Variants in PLAC1 observed in about 807,000 individuals in gnomAD.
PLAC1 encodes placenta associated 1.
For missense variants in PLAC1, 136 were observed against 163.2 expected (o/e 0.83, Z 0.91); for synonymous variants, 68 against 62.1 (o/e 1.09, Z -0.44).
At chrX:134,729,809 G>A (rs953861003) in intron 2 of PLAC1, among the ~76,000 whole-genome samples, 2 of 109,235 alleles carry the variant, frequency 1.8e-5, no homozygotes, top group African/African-American at 3.3e-5. Flanking sequence ...TTTGTTTTTC[G>A]AGACGGAGTT....
At chrX:134,745,969 C>T (rs867861084) in intron 1 of PLAC1, among the ~76,000 whole-genome samples, 4 of 111,705 alleles carry the variant, frequency 3.6e-5, no homozygotes, top group African/African-American at 1.3e-4. Context: ...AAAACACCAG[C>T]GTTAGTTTCA....
At chrX:134,694,561 G>A (rs1366196332) in intron 2 of PLAC1, among the ~76,000 whole-genome samples, 4 of 112,095 alleles carry the variant, frequency 3.6e-5, no homozygotes, top group Admixed American at 9.5e-5. Context: ...AGCTGTCAGC[G>A]TTTCAGGCAT....
intron 2 of PLAC1, among the ~76,000 whole-genome samples, chrX:134,703,577 AAGG>A (rs1251685474): frequency 2.7e-5 from 3 of 111,065 alleles, no homozygotes; most frequent in African/African-American, 6.5e-5. Flanking sequence ...ACCTACAATA[AAGG>A]ACTGGAGTTC....
At chrX:134,627,755 G>GGCC (rs2078243049) in intron 1 of PLAC1, among the ~76,000 whole-genome samples, 1 of 111,859 alleles carries the variant, frequency 8.9e-6, no homozygotes, top group Non-Finnish European at 1.9e-5. Flanking sequence ...TTGGTCCTGG[G>GGCC]GCCTATCTTT....
At chrX:134,661,949 C>T (rs2078418131), upstream of PLAC1, among the ~76,000 whole-genome samples, 1 of 112,223 alleles carries the variant, frequency 8.9e-6, no homozygotes, top group African/African-American at 3.2e-5. Flanking sequence ...ATATGAAAAA[C>T]AAAGCTTGGC....
At chrX:134,628,426 T>C (rs2078245986) in intron 1 of PLAC1, among the ~76,000 whole-genome samples, 1 of 112,304 alleles carries the variant, frequency 8.9e-6, no homozygotes, top group Non-Finnish European at 1.9e-5. Context: ...ATCCCTTCTA[T>C]GCCTTCATCT....
chrX:134,715,026 C>T (rs1423276030), intron 2 of PLAC1, among the ~76,000 whole-genome samples: 1 of 111,969 alleles, frequency 8.9e-6, no homozygotes, highest in Non-Finnish European at 1.9e-5. Flanking sequence ...CCACAATCCT[C>T]GTCTTTGATC....
In PLAC1 at chrX:134,701,747, G is replaced by A. The variant is rs779186452; in HGVS notation, n.174+31688C>T. On this transcript the variant is annotated intron_variant and non_coding_transcript_variant, in intron 2 of 2. Coordinates refer to the PLAC1 transcript ENST00000466797. ...CAAAACCACAATGAGACCAGGCGCA[G>A]TGGCTCACGCCTGTAATCCCAGAAC... Among the ~76,000 whole-genome samples, 3 of 112,515 alleles carry A rather than the reference G, an allele frequency of 2.7e-5. No individual in the cohort carries two copies. In the South Asian group the frequency reaches 1.1e-3, roughly 41 times the overall value.
chrX:134,711,581 G>T (rs1430055809), intron 2 of PLAC1, among the ~76,000 whole-genome samples: 1 of 111,844 alleles, frequency 8.9e-6, no homozygotes, highest in Non-Finnish European at 1.9e-5. Context: ...ATTGCTTTGG[G>T]CATGTTCCTT....
At chrX:134,734,796 A>G (rs1395032487) in intron 1 of PLAC1, among the ~76,000 whole-genome samples, 1 of 110,978 alleles carries the variant, frequency 9.0e-6, no homozygotes, top group Non-Finnish European at 1.9e-5. Flanking sequence ...AGCTTGATTC[A>G]TCTGGCATGT....
intron 1 of PLAC1, among the ~76,000 whole-genome samples, chrX:134,637,831 G>C (rs1432237110): frequency 3.6e-5 from 4 of 111,542 alleles, no homozygotes; most frequent in African/African-American, 1.3e-4. Flanking sequence ...CTGGGCAACA[G>C]AGTGACACTC....
At chrX:134,722,216 C>T (rs926803022) in intron 2 of PLAC1, among the ~76,000 whole-genome samples, 1 of 111,685 alleles carries the variant, frequency 9.0e-6, no homozygotes, top group Non-Finnish European at 1.9e-5. Flanking sequence ...TCATTGCACT[C>T]GGCATAAATG....
intron 2 of PLAC1, among the ~76,000 whole-genome samples, chrX:134,731,691 G>T (rs1381665374): frequency 9.0e-6 from 1 of 111,193 alleles, no homozygotes; most frequent in Non-Finnish European, 1.9e-5. Context: ...CTGGGGCATT[G>T]GGAAGCTCTG....
chrX:134,599,950 G>A (rs2078080757), intron 2 of PLAC1, among the ~76,000 whole-genome samples: 1 of 110,912 alleles, frequency 9.0e-6, no homozygotes, highest in African/African-American at 3.3e-5. Flanking sequence ...AAAGGGGTGG[G>A]GATGGAGAGA....
chrX:134,671,944 G>A (rs1169738777), intron 2 of PLAC1, among the ~76,000 whole-genome samples: 4 of 111,749 alleles, frequency 3.6e-5, no homozygotes, highest in Non-Finnish European at 7.5e-5. Context: ...AAGGCATACA[G>A]AGTGATAGAG....
chrX:134,707,233 CCTT>C (rs773457686), intron 2 of PLAC1, among the ~76,000 whole-genome samples: 2 of 112,300 alleles, frequency 1.8e-5, no homozygotes, highest in African/African-American at 6.5e-5. Flanking sequence ...ACAAAAATAT[CCTT>C]CTTAATGAAG....
intron 2 of PLAC1, among the ~76,000 whole-genome samples, chrX:134,712,403 C>T (rs773701120): frequency 1.4e-4 from 15 of 111,106 alleles, no homozygotes; most frequent in African/African-American, 4.3e-4. Flanking sequence ...AATCACCCCA[C>T]GAAACCTAAC....
intron 1 of PLAC1, among the ~76,000 whole-genome samples, chrX:134,747,471 C>T (rs1018893692): frequency 9.0e-6 from 1 of 111,714 alleles, no homozygotes; most frequent in East Asian, 2.8e-4. Context: ...TTATTTTGTT[C>T]GGTGGCCTGT....
chrX:134,603,536 G>A (rs1012186195), intron 1 of PLAC1, among the ~76,000 whole-genome samples: 53 of 102,584 alleles, frequency 5.2e-4, no homozygotes, highest in African/African-American at 1.7e-3. Context: ...GGGTTTCACC[G>A]TGTTAGCCAG....
Sources: allele counts gnomAD v4.1 joint callset (sites outside exome capture counted in the v4.1 genomes callset), GRCh38; gene constraint gnomAD v4.1.1; transcripts MANE v1.5; gene names NCBI Gene and HGNC (gene_info 2026-07-23, HGNC 2026-07-21).